The following POLE2 variants were observed in gnomAD, a reference collection of about 807,000 sequenced individuals.
The protein encoded by POLE2 is DNA polymerase epsilon 2, accessory subunit.
A neutral mutation model predicts 79.4 loss-of-function variants in POLE2; 56 were observed. The ratio of observed to expected loss-of-function variants is 0.71; its 90% CI spans 0.57 to 0.88. The LOEUF (loss-of-function observed/expected upper bound fraction) is 0.88, where lower values mean the gene tolerates loss of function less well. POLE2 is among the 40% of genes least tolerant of loss of function. POLE2 has a pLI of 0.00. For synonymous variants in POLE2, 212 were observed against 214.0 expected (o/e 0.99, Z 0.08); for missense variants, 598 against 638.9 (o/e 0.94, Z 0.69).
In POLE2 at chr14:49,688,176, C is replaced by T. The variant is rs1297842797; in HGVS notation, c.28G>A (p.Ala10Thr). ...CCCCGCAACTTGAAGGCGGAGAGCGCCCGGCTCCGCAGCCGCTCCGGCGCC... is the reference window on the plus strand; with the variant it reads ...CCCCGCAACTTGAAGGCGGAGAGCGTCCGGCTCCGCAGCCGCTCCGGCGCC... MAPERLRSR[A>T]LSAFKLRGLL... Residue 10 changes from alanine to threonine, a missense_variant, in exon 1 of 19, where the codon GCG (alanine) becomes ACG (threonine). Ala to Thr is a moderately conservative substitution (Grantham distance 58). Coordinates refer to ENST00000216367, the MANE Select transcript of POLE2 (RefSeq NM_002692.4). 1.3e-6 allele frequency: 2 copies of T among 1,545,602 alleles called. No individual in the cohort carries two copies. The highest frequency in any genetic ancestry group is 1.4e-5 in the African/African-American group (1 of 71,054).
intron 5 of POLE2, 48 bp from the exon 6 acceptor site, chr14:49,669,646 T>C (rs1381373191): frequency 6.2e-6 from 6 of 968,322 alleles, no homozygotes; most frequent in Non-Finnish European, 1.0e-5. Context: ...GACATTTAAA[T>C]ATAAGATTCA....
At position 49,685,132 on chromosome 14, in the gene POLE2, T is replaced by C. The variant is rs561435332; in HGVS notation, c.69-1439A>G. Among the ~76,000 whole-genome samples the C allele has an allele frequency of 4.6e-5, 7 of 152,312 alleles. No individual in the cohort carries two copies. In the South Asian group the frequency reaches 1.4e-3, roughly 32 times the overall value. On this transcript the variant is annotated intron_variant, in intron 1 of 18. Transcript: ENST00000216367. ...ACATCAATATTATTGCTGATTACAA[T>C]ATTAAACAATTAGCTAATTACATGC...
rs1885066416 is a variant in POLE2 at position 49,661,055 on chromosome 14, G to C, written c.755+2260C>G. On this transcript the variant is annotated intron_variant, in intron 10 of 18. Transcript: ENST00000216367. The stretch of plus-strand genomic sequence containing the variant: ...AGCGATTCTCTCACCCAAGTAGCTG[G>C]GACTACAACCGCATGCCACCACACC... 2.6e-5 allele frequency among the ~76,000 whole-genome samples: 4 copies of C among 151,984 alleles called. No homozygotes were observed. The South Asian group carries it at 8.3e-4, about 32-fold the overall frequency.
intron 18 of POLE2, 45 bp from the exon 19 acceptor site, chr14:49,643,715 A>G (rs1391132122): frequency 1.0e-6 from 1 of 960,042 alleles, no homozygotes; most frequent in Non-Finnish European, 1.6e-6. Context: ...CCTAAGTTGT[A>G]TACTTACTAA....
At chr14:49,672,426 C>G (rs1885962844) in intron 5 of POLE2, among the ~76,000 whole-genome samples, 1 of 151,934 alleles carries the variant, frequency 6.6e-6, no homozygotes, top group Non-Finnish European at 1.5e-5. Context: ...ACCATCTGCT[C>G]CTCCTTGAAG....
intron 3 of POLE2, chr14:49,677,794 G>T: frequency 1.3e-6 from 1 of 748,130 alleles, no homozygotes; most frequent in South Asian, 2.7e-5. Context: ...CCTCAATGAT[G>T]ACTGTGGACC....
chr14:49,672,809 CTTT>C (rs1324562833), intron 5 of POLE2, among the ~76,000 whole-genome samples: 2 of 152,056 alleles, frequency 1.3e-5, no homozygotes, highest in Admixed American at 6.6e-5. Flanking sequence ...TCCCTCTTGT[CTTT>C]TTATCACTTC....
intron 3 of POLE2, among the ~76,000 whole-genome samples, chr14:49,675,697 A>C (rs1886226524): frequency 6.7e-6 from 1 of 148,512 alleles, no homozygotes; most frequent in Admixed American, 6.7e-5. Context: ...AACTGCTGGG[A>C]TTACAGGCAT....
At chr14:49,668,140 G>A (rs1162464228) in intron 6 of POLE2, among the ~76,000 whole-genome samples, 2 of 151,696 alleles carry the variant, frequency 1.3e-5, no homozygotes, top group African/African-American at 4.8e-5. Flanking sequence ...TGGGCATGGT[G>A]GTGTGCACGT....
chr14:49,686,431 C>T (rs45616035), intron 1 of POLE2, among the ~76,000 whole-genome samples: 48 of 152,266 alleles, frequency 3.2e-4, no homozygotes, highest in Middle Eastern at 3.4e-3. Context: ...GAACTGAATC[C>T]TGCCAACAAC....
chr14:49,676,161 G>A (rs1443902541), intron 3 of POLE2, among the ~76,000 whole-genome samples: 1 of 152,130 alleles, frequency 6.6e-6, no homozygotes, highest in East Asian at 1.9e-4. Flanking sequence ...TATATATAGT[G>A]TTAGAGATGG....
chr14:49,660,534 T>G (rs1479225470), intron 10 of POLE2, among the ~76,000 whole-genome samples: 1 of 152,126 alleles, frequency 6.6e-6, no homozygotes, highest in Non-Finnish European at 1.5e-5. Context: ...ACTCAACTAC[T>G]TTTCCAATGC....
intron 2 of POLE2, 126 bp downstream of exon 2, chr14:49,683,467 T>C: frequency 1.9e-6 from 1 of 537,376 alleles, no homozygotes; most frequent in Non-Finnish European, 3.3e-6. Context: ...AATGCTACCA[T>C]GCATACATCT....
chr14:49,687,300 C>CCACACACACACACA (rs60811856), intron 1 of POLE2, among the ~76,000 whole-genome samples: 44 of 139,830 alleles, frequency 3.1e-4, no homozygotes, highest in Admixed American at 1.3e-3. Flanking sequence ...TACACACACA[C>CCACACACACACACA]CACACACACA....
chr14:49,670,091 G>A (rs929069307), intron 5 of POLE2, among the ~76,000 whole-genome samples: 4 of 152,052 alleles, frequency 2.6e-5, no homozygotes, highest in Non-Finnish European at 4.4e-5. Context: ...CGAGGAGGGC[G>A]GATCACCTGA....
intron 3 of POLE2, among the ~76,000 whole-genome samples, chr14:49,678,615 T>G (rs1886477912): frequency 1.3e-5 from 2 of 152,172 alleles, no homozygotes; most frequent in South Asian, 4.2e-4. Context: ...ATTTTGAATT[T>G]CTATTGATGG....
rs762370242 is a variant in POLE2 at position 49,654,801 on chromosome 14, G to T, written c.1056C>A (p.Tyr352Ter). ...LKTLADIICE[Y>*]PDIHQSSRFV... Reference sequence around the variant, plus strand: ...ATCATTACCTTTGGTGAATATCTGGGTATTCACATATTATATCTGCCAAAG... The same window carrying T: ...ATCATTACCTTTGGTGAATATCTGGTTATTCACATATTATATCTGCCAAAG... The change falls in exon 13 of 19, where the codon TAC (tyrosine) becomes TAA (stop). Residue 352 changes from tyrosine (Y) to a stop codon, truncating the protein, a stop_gained. Transcript: ENST00000216367. LOFTEE classifies it high-confidence loss of function. 1 of 1,483,286 alleles carries T rather than the reference G, an allele frequency of 6.7e-7. No individual in the cohort carries two copies. The highest frequency in any genetic ancestry group is 8.9e-7 in the Non-Finnish European group (1 of 1,120,834). The allele number at this position is 1,483,286 out of a possible 1,614,324, so 91.9% of individuals were successfully genotyped here. A position where few individuals can be genotyped will look rare whatever the true frequency, so the allele number is the denominator to read the frequency against.
chr14:49,684,661 T>TAAAAA (rs568332625), intron 1 of POLE2: 16 of 100,316 alleles, frequency 1.6e-4, no homozygotes, highest in Non-Finnish European at 3.1e-4. Flanking sequence ...TGACCATCAT[T>TAAAAA]AAAAAAAAAA....
At position 49,655,084 on chromosome 14, in the gene POLE2, TG is replaced by T; in HGVS notation, c.938del (p.Pro313GlnfsTer26). ...KLRIMFAGYS[P>X]APPTCFILCG... ...ACAGAATAAAGCAGGTTGGAGGTGC[TG>T]GTGAATAACCTAAACAATAAAAGAG... is the stretch of plus-strand genomic sequence containing the variant. On this transcript the variant is annotated frameshift_variant, in exon 12 of 19. Transcript: ENST00000216367. LOFTEE classifies it high-confidence loss of function. 6.5e-7 allele frequency: 1 copy of T among 1,531,002 alleles called. No homozygotes were observed. Among genetic ancestry groups the T allele is most frequent in the Non-Finnish European group, 8.8e-7 (1 of 1,130,940 alleles). 94.8% of individuals were successfully genotyped at this position (1,531,002 alleles called of 1,614,324 possible). A position where few individuals can be genotyped will look rare whatever the true frequency, so the allele number is the denominator to read the frequency against.
Sources: gnomAD v4.1 joint callset for allele counts (sites outside exome capture counted in the v4.1 genomes callset) on GRCh38, gnomAD v4.1.1 for gene constraint, MANE v1.5 for transcripts, NCBI Gene and HGNC (gene_info 2026-07-23, HGNC 2026-07-21) for gene names.